The following TIPARP variants were observed in gnomAD, a reference collection of about 807,000 sequenced individuals.
TIPARP encodes TCDD inducible poly(ADP-ribose) polymerase.
A neutral mutation model predicts 56.5 loss-of-function variants in TIPARP; 12 were observed. The ratio of observed to expected loss-of-function variants is 0.21; its 90% confidence interval spans 0.14 to 0.34. The LOEUF (loss-of-function observed/expected upper bound fraction) is 0.34. Among genes scored for constraint, TIPARP ranks in the 10% least tolerant of loss-of-function variants. The pLI is 1.00. For missense variants in TIPARP, 604 were observed against 781.6 expected, an observed-to-expected ratio of 0.77 and a Z score of 2.71; for synonymous variants, 296 against 265.7, an observed-to-expected ratio of 1.11 and a Z score of -1.11.
chr3:156,688,000 A>G (rs1360423411), intron 2 of TIPARP, among the ~76,000 whole-genome samples: 1 of 152,184 alleles, frequency 6.6e-6, no homozygotes, highest in Non-Finnish European at 1.5e-5. Flanking sequence ...ACTTTTACCT[A>G]CTCAAAAATC....
intron 2 of TIPARP, among the ~76,000 whole-genome samples, chr3:156,686,957 T>C (rs1722446274): frequency 6.6e-6 from 1 of 152,158 alleles, no homozygotes; most frequent in African/African-American, 2.4e-5. Context: ...ATTTGTGCCT[T>C]GAATACATGG....
At chr3:156,681,184 G>A (rs1413601871) in intron 2 of TIPARP, 2 of 456,634 alleles carry the variant, frequency 4.4e-6, no homozygotes, top group Non-Finnish European at 4.4e-6. Flanking sequence ...AGCTGGAGCA[G>A]CCCAGGTTCA....
In TIPARP at chr3:156,677,882, C is replaced by G. The variant is rs758283343; in HGVS notation, c.185C>G (p.Thr62Ser). 8 of 1,614,116 alleles carry G rather than the reference C, an allele frequency of 5.0e-6. No individual in the cohort carries two copies. Among genetic ancestry groups the G allele is most frequent in the Non-Finnish European group, 5.9e-6 (7 of 1,180,020 alleles). ...AGGTCTTTGAGGCCAATATTAAACACTCTTCTAGAATCTGGCTCACTTGAT... is the reference window on the plus strand; with the variant it reads ...AGGTCTTTGAGGCCAATATTAAACAGTCTTCTAGAATCTGGCTCACTTGAT... ...TLRSLRPILNTLLESGSLDGV... is the reference protein window; with the variant it reads ...TLRSLRPILNSLLESGSLDGV... The change falls in exon 2 of 6, where the codon ACT (threonine) becomes AGT (serine). Residue 62 changes from threonine (T) to serine (S), a missense_variant. Thr to Ser is a moderately conservative substitution (Grantham distance 58). Around this residue, in one of 4 missense-constraint regions of TIPARP, gnomAD observed 261 missense variants for 279.2 expected, o/e 0.93. Transcript: ENST00000295924.
chr3:156,693,605 T>G (rs1722633600), intron 2 of TIPARP, among the ~76,000 whole-genome samples: 1 of 152,184 alleles, frequency 6.6e-6, no homozygotes, highest in South Asian at 2.1e-4. Context: ...TCAAGTAAAC[T>G]GATGGCCTCT....
chr3:156,685,653 C>T (rs1216487834), intron 2 of TIPARP, among the ~76,000 whole-genome samples: 1 of 152,222 alleles, frequency 6.6e-6, no homozygotes, highest in East Asian at 1.9e-4. Context: ...TTAGACCACA[C>T]TTACAAGAAT....
intron 4 of TIPARP, among the ~76,000 whole-genome samples, chr3:156,702,067 TG>T (rs1559977201): frequency 6.4e-5 from 8 of 124,208 alleles, no homozygotes; most frequent in Non-Finnish European, 1.1e-4. Flanking sequence ...GTGGTGGTGG[TG>T]GTGGTTGTGG....
chr3:156,703,939 G>C (rs1269179472), intron 5 of TIPARP, among the ~76,000 whole-genome samples: 1 of 151,552 alleles, frequency 6.6e-6, no homozygotes, highest in Non-Finnish European at 1.5e-5. Context: ...TGTGAACCTG[G>C]GAGGCGGAGC....
chr3:156,700,139 C>G (rs893392179), intron 4 of TIPARP, among the ~76,000 whole-genome samples: 1 of 151,878 alleles, frequency 6.6e-6, no homozygotes, highest in African/African-American at 2.4e-5. Flanking sequence ...AGAATTTCCT[C>G]TGTCGCCCAG....
intron 1 of TIPARP, among the ~76,000 whole-genome samples, chr3:156,675,932 G>A (rs1299143039): frequency 1.3e-5 from 2 of 152,208 alleles, no homozygotes; most frequent in East Asian, 3.8e-4. Flanking sequence ...CTTCCTCCCA[G>A]TTTTGTTTCC....
chr3:156,676,805 A>G (rs1722142044), intron 1 of TIPARP: 1 of 151,402 alleles, frequency 6.6e-6, no homozygotes, highest in Admixed American at 6.6e-5. Context: ...TGTGTGTTTT[A>G]TATTTTTTTT....
At chr3:156,700,869 G>A (rs536740034) in intron 4 of TIPARP, among the ~76,000 whole-genome samples, 72 of 152,230 alleles carry the variant, frequency 4.7e-4, no homozygotes, top group Non-Finnish European at 7.8e-4. Flanking sequence ...AGAGATCCTT[G>A]TGTAGAAGCT....
In TIPARP at chr3:156,678,207, T is replaced by C; in HGVS notation, c.510T>C (p.Asp170=). The change falls in exon 2 of 6, where the codon GAT becomes GAC. Residue 170 remains aspartate, a synonymous_variant. Transcript: ENST00000295924. ...QTDLLHPVSS[D]VPTSPDCLDK... ...ATCTTTTGCACCCAGTTTCAAGTGA[T>C]GTTCCTACTAGTCCTGACTGCTTAG... is the stretch of plus-strand genomic sequence containing the variant. 3 of 1,614,154 alleles carry C rather than the reference T, an allele frequency of 1.9e-6. No homozygotes were observed. Among genetic ancestry groups the C allele is most frequent in the Non-Finnish European group, 2.5e-6 (3 of 1,180,040 alleles).
chr3:156,702,303 T>G (rs1722870131), intron 4 of TIPARP, among the ~76,000 whole-genome samples: 1 of 152,224 alleles, frequency 6.6e-6, no homozygotes, highest in African/African-American at 2.4e-5. Context: ...TTAATCTCTC[T>G]AAACCTCAGT....
intron 3 of TIPARP, among the ~76,000 whole-genome samples, chr3:156,694,535 G>A (rs182365712): frequency 4.6e-5 from 7 of 152,254 alleles, no homozygotes; most frequent in Admixed American, 1.3e-4. Flanking sequence ...ATTATATCTG[G>A]CTCTTGGGCT....
intron 4 of TIPARP, among the ~76,000 whole-genome samples, chr3:156,699,722 A>G (rs1722799941): frequency 6.6e-6 from 1 of 152,222 alleles, no homozygotes; most frequent in African/African-American, 2.4e-5. Flanking sequence ...ATATGGGCTT[A>G]CAAGAGAACA....
chr3:156,700,306 C>T (rs1722817578), intron 4 of TIPARP, among the ~76,000 whole-genome samples: 1 of 151,580 alleles, frequency 6.6e-6, no homozygotes, highest in African/African-American at 2.4e-5. Context: ...GGTGTAGAGA[C>T]AAGGTCTCAC....
At chr3:156,694,231 A>T (rs957775289) in intron 3 of TIPARP, 43 bp downstream of exon 3, 2 of 1,525,062 alleles carry the variant, frequency 1.3e-6, no homozygotes, top group African/African-American at 2.8e-5. Flanking sequence ...TTTCAAATTT[A>T]TTTTTTTCTT....
chr3:156,687,586 G>T (rs1211305014), intron 2 of TIPARP, among the ~76,000 whole-genome samples: 2 of 152,162 alleles, frequency 1.3e-5, no homozygotes, highest in Non-Finnish European at 2.9e-5. Flanking sequence ...CAAACATCTA[G>T]ATGTATTCAA....
intron 4 of TIPARP, among the ~76,000 whole-genome samples, chr3:156,697,572 G>A (rs749946827): frequency 1.3e-5 from 2 of 152,130 alleles, no homozygotes; most frequent in Non-Finnish European, 2.9e-5. Context: ...GTACTTCACA[G>A]ATAATTGTGT....
Sources: allele counts gnomAD v4.1 joint callset (sites outside exome capture counted in the v4.1 genomes callset), GRCh38; gene constraint gnomAD v4.1.1; regional missense constraint gnomAD v4.1.1; transcripts MANE v1.5; gene names NCBI Gene and HGNC (gene_info 2026-07-23, HGNC 2026-07-21).